Variants in PRRX1 observed in about 807,000 individuals in gnomAD.
PRRX1 encodes the protein paired mesoderm homeobox protein 1.
Under a neutral mutation model 24.0 loss-of-function variants are expected in PRRX1, and 8 were observed. The ratio of observed to expected loss-of-function variants is 0.33; its 90% CI spans 0.20 to 0.60. PRRX1 has a LOEUF of 0.60. PRRX1 is among the 20% of genes least tolerant of loss of function. The pLI, the probability that PRRX1 is intolerant of heterozygous loss-of-function variation, is 0.82. For missense variants in PRRX1, 281 were observed against 322.4 expected, an observed-to-expected ratio of 0.87 and a Z score of 0.98; for synonymous variants, 160 against 131.7, an observed-to-expected ratio of 1.22 and a Z score of -1.47.
At chr1:170,724,495 C>G (rs1052627762) in intron 2 of PRRX1, among the ~76,000 whole-genome samples, 1 of 151,966 alleles carries the variant, frequency 6.6e-6, no homozygotes. Flanking sequence ...TTCAGTTTTC[C>G]GCATATGGCT....
At chr1:170,719,383 T>A (rs974501050) in intron 1 of PRRX1, among the ~76,000 whole-genome samples, 1 of 152,254 alleles carries the variant, frequency 6.6e-6, no homozygotes, top group African/African-American at 2.4e-5. Flanking sequence ...CATTTACTCT[T>A]CTTCCTTTAT....
intron 1 of PRRX1, among the ~76,000 whole-genome samples, chr1:170,708,760 T>G (rs1292304466): frequency 6.6e-6 from 1 of 152,212 alleles, no homozygotes; most frequent in Non-Finnish European, 1.5e-5. Flanking sequence ...GCTTACTTTC[T>G]AATCAGAATA....
chr1:170,697,757 T>C (rs1200101052), intron 1 of PRRX1, among the ~76,000 whole-genome samples: 1 of 147,462 alleles, frequency 6.8e-6, no homozygotes, highest in East Asian at 1.9e-4. Flanking sequence ...TATACATATA[T>C]AGATATATAA....
In PRRX1 at chr1:170,729,694, T is replaced by G. The variant is rs534031307; in HGVS notation, c.599+3293T>G. Among the ~76,000 whole-genome samples the G allele has an allele frequency of 3.3e-5, 5 of 152,276 alleles. No individual in the cohort carries two copies. The East Asian group carries it at 9.7e-4, about 29-fold the overall frequency. ...CTTGTCATGACCTCACTCATTCCCT[T>G]GAGCATGTTAGAGGTGATGACATTA... On this transcript the variant is annotated intron_variant, in intron 3 of 3. Coordinates refer to ENST00000239461, the MANE Select transcript of PRRX1 (RefSeq NM_022716.4).
At chr1:170,684,288 CAG>C (rs1218575224) in intron 1 of PRRX1, among the ~76,000 whole-genome samples, 1 of 152,192 alleles carries the variant, frequency 6.6e-6, no homozygotes, top group Non-Finnish European at 1.5e-5. Flanking sequence ...TTTTCCAAGA[CAG>C]ACATTTTATC....
chr1:170,685,837 A>G (rs1417531317), intron 1 of PRRX1, among the ~76,000 whole-genome samples: 1 of 152,156 alleles, frequency 6.6e-6, no homozygotes, highest in Non-Finnish European at 1.5e-5. Flanking sequence ...ATATAAGGAC[A>G]GGCCTTGAGT....
chr1:170,726,101 A>G, intron 2 of PRRX1, 119 bp from the exon 3 acceptor site: 2 of 1,001,186 alleles, frequency 2.0e-6, no homozygotes, highest in South Asian at 1.4e-5. Context: ...TAGCCATCTT[A>G]TATCTTCTTT....
chr1:170,703,384 A>G (rs181504576), intron 1 of PRRX1, among the ~76,000 whole-genome samples: 91 of 152,134 alleles, frequency 6.0e-4, no homozygotes, highest in Non-Finnish European at 1.2e-3. Flanking sequence ...GTAGTGAAAT[A>G]CAAAATGGTC....
intron 1 of PRRX1, among the ~76,000 whole-genome samples, chr1:170,692,432 A>G (rs1654019669): frequency 6.6e-6 from 1 of 152,060 alleles, no homozygotes; most frequent in Admixed American, 6.6e-5. Context: ...GACATATTTT[A>G]CAATGTAGCT....
Position 170,726,197 on chromosome 1 carries a change from C to A in PRRX1, c.418-23C>A, listed in dbSNP as rs779865222. ...TTTTTCCTCTCTTTCCTTATGCCTT[C>A]TTGCCTCCTAACAATCCTCCAGGTG... On this transcript the variant is annotated intron_variant, in intron 2 of 3. Transcript: ENST00000239461. The A allele has an allele frequency of 3.7e-6, 6 of 1,607,656 alleles. No homozygotes were observed. In the South Asian group the frequency reaches 6.6e-5, roughly 18 times the overall value.
intron 1 of PRRX1, among the ~76,000 whole-genome samples, chr1:170,665,961 G>A (rs911326771): frequency 1.3e-5 from 2 of 152,244 alleles, no homozygotes; most frequent in Non-Finnish European, 2.9e-5. Context: ...CGCATAAAGG[G>A]CTAGGCGCAG....
At chr1:170,723,602 T>C (rs886823983) in intron 2 of PRRX1, among the ~76,000 whole-genome samples, 1 of 152,242 alleles carries the variant, frequency 6.6e-6, no homozygotes, top group South Asian at 2.1e-4. Context: ...TGTCCTTGAC[T>C]TCAGAAACTC....
chr1:170,737,257 C>G lies in PRRX1; in HGVS notation c.*1071C>G, dbSNP rs1348088843. 5.5e-6 allele frequency: 1 copy of G among 181,288 alleles called. No individual in the cohort carries two copies. Among genetic ancestry groups the G allele is most frequent in the Non-Finnish European group, 1.2e-5 (1 of 84,886 alleles). 11.2% of individuals were successfully genotyped at this position (181,288 alleles called of 1,614,324 possible). ...TACACACCCTCACCACTGTTCTTAT[C>G]TCTATAGTGATGAAACATTAATTAG... On this transcript the variant is annotated 3_prime_UTR_variant, in exon 4 of 4. Transcript: ENST00000239461.
chr1:170,681,057 G>T (rs1266688679), intron 1 of PRRX1, among the ~76,000 whole-genome samples: 1 of 152,178 alleles, frequency 6.6e-6, no homozygotes, highest in Non-Finnish European at 1.5e-5. Flanking sequence ...CTTAACTTGT[G>T]CCTTTGGGTC....
chr1:170,727,475 A>G (rs1281303191), intron 3 of PRRX1: 1 of 152,218 alleles, frequency 6.6e-6, no homozygotes, highest in Non-Finnish European at 1.5e-5. Flanking sequence ...AAGGTTAATT[A>G]TTGGTTTAAG....
At chr1:170,735,039 A>T (rs1313536870) in intron 3 of PRRX1, among the ~76,000 whole-genome samples, 1 of 152,158 alleles carries the variant, frequency 6.6e-6, no homozygotes, top group Non-Finnish European at 1.5e-5. Context: ...GTTGAAAGGG[A>T]TTTTGCTAAT....
At chr1:170,711,938 A>G (rs894425945) in intron 1 of PRRX1, among the ~76,000 whole-genome samples, 24 of 152,294 alleles carry the variant, frequency 1.6e-4, no homozygotes, top group African/African-American at 5.8e-4. Flanking sequence ...ATAATCAGAC[A>G]TTTCTTTTTA....
At chr1:170,699,911 T>G (rs1475139670) in intron 1 of PRRX1, among the ~76,000 whole-genome samples, 1 of 152,038 alleles carries the variant, frequency 6.6e-6, no homozygotes, top group East Asian at 1.9e-4. Context: ...AATTTCTGTA[T>G]TTTTAGTAGA....
chr1:170,698,942 G>A (rs1654263274), intron 1 of PRRX1, among the ~76,000 whole-genome samples: 1 of 152,188 alleles, frequency 6.6e-6, no homozygotes. Flanking sequence ...AAGGCCTTTT[G>A]GCTGCCAAGA....
Sources: allele counts gnomAD v4.1 joint callset (sites outside exome capture counted in the v4.1 genomes callset), GRCh38; gene constraint gnomAD v4.1.1; transcripts MANE v1.5; gene names NCBI Gene and HGNC (gene_info 2026-07-23, HGNC 2026-07-21).